The following ELF2 variants were observed in gnomAD, a reference collection of about 807,000 sequenced individuals.
ELF2 encodes the protein ETS-related transcription factor Elf-2.
A neutral mutation model predicts 54.8 loss-of-function variants in ELF2; 11 were observed. The observed-to-expected ratio is 0.20, with a 90% CI of 0.13 to 0.33. ELF2 has a LOEUF of 0.33. Ranked by LOEUF, ELF2 falls within the 10% of genes least tolerant of loss-of-function variation. The probability of loss-of-function intolerance (pLI) is 1.00; values close to 1 mark genes in which losing one functional copy is unlikely to be tolerated. For synonymous variants in ELF2, 203 were observed against 245.1 expected (o/e 0.83, Z 1.61); for missense variants, 513 against 703.0 (o/e 0.73, Z 3.06).
At chr4:139,083,190 G>A (rs1463976600) in intron 4 of ELF2, among the ~76,000 whole-genome samples, 1 of 149,672 alleles carries the variant, frequency 6.7e-6, no homozygotes, top group Non-Finnish European at 1.5e-5. Context: ...TTGGGGGGGG[G>A]TAGAGGGGAA....
intron 7 of ELF2, among the ~76,000 whole-genome samples, chr4:139,063,004 C>G (rs545532522): frequency 2.5e-4 from 38 of 152,226 alleles, no homozygotes; most frequent in Non-Finnish European, 4.9e-4. Flanking sequence ...ACCTGTAATC[C>G]CAGCACTTTG....
intron 1 of ELF2, among the ~76,000 whole-genome samples, chr4:139,147,554 C>T (rs897769627): frequency 1.3e-5 from 2 of 152,192 alleles, no homozygotes; most frequent in Non-Finnish European, 1.5e-5. Context: ...TCACGGCAAC[C>T]TCCTTCCCCT....
rs1553971301 is a variant in ELF2 at position 139,151,032 on chromosome 4, A to AAAGAAAGAAAG, written c.-251-11536_-251-11535insCTTTCTTTCTT. 1.1e-3 allele frequency among the ~76,000 whole-genome samples: 111 copies of AAAGAAAGAAAG among 102,516 alleles called. 3 individuals are homozygous for AAAGAAAGAAAG. Among genetic ancestry groups the AAAGAAAGAAAG allele is most frequent in the African/African-American group, 2.4e-3 (48 of 19,726 alleles). 67.3% of individuals were successfully genotyped at this position (102,516 alleles called of 152,430 possible). On this transcript the variant is annotated intron_variant, in intron 1 of 9. Transcript: ENST00000686138. ...GAACGAGGCTCCATCTCAAAAAAAAAAAAGAAAGAAAGAAAGAAAGAAAGA... is the reference window on the plus strand; with the variant it reads ...GAACGAGGCTCCATCTCAAAAAAAAAAAGAAAGAAAGAAAGAAAGAAAGAAAGAAAGAAAGA...
At chr4:139,060,048 C>G (rs10222762) in intron 9 of ELF2, among the ~76,000 whole-genome samples, 1 of 152,054 alleles carries the variant, frequency 6.6e-6, no homozygotes, top group Non-Finnish European at 1.5e-5. Context: ...GGAGGTCTCA[C>G]TACGTTGCCA....
chr4:139,084,426 CGGCAGG>C (rs1280808005), intron 4 of ELF2: 22 of 1,267,086 alleles, frequency 1.7e-5, no homozygotes, highest in Non-Finnish European at 2.0e-5. Flanking sequence ...GGGGCAGGGG[CGGCAGG>C]GGCAGGGGCG....
intron 4 of ELF2, chr4:139,084,197 C>T (rs1011544505): frequency 6.2e-7 from 1 of 1,613,318 alleles, no homozygotes; most frequent in African/African-American, 1.3e-5. Context: ...CCATGTTTAT[C>T]CCGGGGCTGG....
At chr4:139,104,126 AAAAC>A (rs1560815142) in intron 4 of ELF2, among the ~76,000 whole-genome samples, 3 of 152,228 alleles carry the variant, frequency 2.0e-5, no homozygotes, top group African/African-American at 4.8e-5. Flanking sequence ...TTTAAAAACA[AAAAC>A]AAACAACAAC....
intron 1 of ELF2, among the ~76,000 whole-genome samples, chr4:139,156,036 C>T (rs994110012): frequency 3.3e-5 from 5 of 152,166 alleles, no homozygotes; most frequent in Non-Finnish European, 7.3e-5. Flanking sequence ...ATATAACTTG[C>T]CAATCATAAA....
intron 2 of ELF2, among the ~76,000 whole-genome samples, chr4:139,138,532 C>T (rs1013108903): frequency 2.6e-5 from 4 of 151,914 alleles, no homozygotes; most frequent in African/African-American, 7.3e-5. Context: ...TAAAATGTGC[C>T]AGACTGAGAA....
At chr4:139,147,497 T>C (rs1739343692) in intron 1 of ELF2, among the ~76,000 whole-genome samples, 1 of 152,100 alleles carries the variant, frequency 6.6e-6, no homozygotes, top group Admixed American at 6.6e-5. Context: ...GTTAAGACAG[T>C]GTCTCACTCT....
intron 1 of ELF2, among the ~76,000 whole-genome samples, chr4:139,163,328 T>C (rs969536789): frequency 5.9e-5 from 9 of 152,198 alleles, no homozygotes; most frequent in African/African-American, 2.2e-4. Context: ...TCAGAGGTTA[T>C]TTAAGGTTAT....
intron 7 of ELF2, among the ~76,000 whole-genome samples, chr4:139,065,292 A>AC (rs1162972494): frequency 6.6e-6 from 1 of 152,152 alleles, no homozygotes; most frequent in Non-Finnish European, 1.5e-5. Flanking sequence ...AGCCTAGGCA[A>AC]CATAGGGGGA....
At chr4:139,170,740 A>ATATTAATTAT (rs1553978322) in intron 1 of ELF2, among the ~76,000 whole-genome samples, 16 of 90,132 alleles carry the variant, frequency 1.8e-4, no homozygotes, top group South Asian at 8.1e-4. Flanking sequence ...ATATTATATT[A>ATATTAATTAT]ATTATATTAT....
intron 3 of ELF2, among the ~76,000 whole-genome samples, chr4:139,133,112 G>T (rs963757419): frequency 6.6e-6 from 1 of 151,784 alleles, no homozygotes; most frequent in African/African-American, 2.4e-5. Context: ...TAGTACAGAC[G>T]GGGTTTCACT....
At chr4:139,077,983 G>A (rs1222096124) in intron 4 of ELF2, among the ~76,000 whole-genome samples, 1 of 152,156 alleles carries the variant, frequency 6.6e-6, no homozygotes, top group Non-Finnish European at 1.5e-5. Context: ...TAAATTTCAA[G>A]AACTGTTTTA....
chr4:139,129,881 CA>C (rs1737313622), intron 3 of ELF2, among the ~76,000 whole-genome samples: 1 of 152,130 alleles, frequency 6.6e-6, no homozygotes, highest in African/African-American at 2.4e-5. Flanking sequence ...ACAAATTAAA[CA>C]ATGGCTTTAA....
chr4:139,105,755 G>A (rs1032205803), intron 4 of ELF2, among the ~76,000 whole-genome samples: 4 of 152,166 alleles, frequency 2.6e-5, no homozygotes, highest in African/African-American at 9.7e-5. Flanking sequence ...TGCTGAGTGT[G>A]GTGGCTCACA....
At chr4:139,070,907 T>G (rs1239230477) in intron 6 of ELF2, among the ~76,000 whole-genome samples, 3 of 152,220 alleles carry the variant, frequency 2.0e-5, no homozygotes, top group African/African-American at 7.2e-5. Context: ...AATACCATTA[T>G]TTCAAACCCA....
intron 4 of ELF2, among the ~76,000 whole-genome samples, chr4:139,097,778 T>C (rs1447607325): frequency 6.6e-6 from 1 of 152,188 alleles, no homozygotes; most frequent in Non-Finnish European, 1.5e-5. Context: ...TATTCTTACA[T>C]CATGACAAAA....
Sources: gnomAD v4.1 joint callset for allele counts (sites outside exome capture counted in the v4.1 genomes callset) on GRCh38, gnomAD v4.1.1 for gene constraint, MANE v1.5 for transcripts, NCBI Gene and HGNC (gene_info 2026-07-23, HGNC 2026-07-21) for gene names.